The following DLGAP2 variants were observed in gnomAD, a reference collection of about 807,000 sequenced individuals.
The protein encoded by DLGAP2 is DLG associated protein 2, also known as disks large-associated protein 2.
A neutral mutation model predicts 100.3 loss-of-function variants in DLGAP2; 26 were observed. That is an observed-to-expected ratio of 0.26 (90% CI 0.19 to 0.36). DLGAP2 has a LOEUF of 0.36. DLGAP2 is among the 10% of genes least tolerant of loss of function. The pLI is 1.00. For missense variants in DLGAP2, 1,858 were observed against 1,453.2 expected (o/e 1.28, Z -4.53); for synonymous variants, 886 against 630.1 (o/e 1.41, Z -6.08).
chr8:1,697,798 T>G (rs1183971408), intron 14 of DLGAP2, among the ~76,000 whole-genome samples: 1 of 152,222 alleles, frequency 6.6e-6, no homozygotes, highest in African/African-American at 2.4e-5. Flanking sequence ...TTTGATGAAT[T>G]AATCTTCCTG....
chr8:950,830 T>C (rs954520782), intron 2 of DLGAP2, among the ~76,000 whole-genome samples: 3 of 151,996 alleles, frequency 2.0e-5, no homozygotes, highest in Non-Finnish European at 2.9e-5. Flanking sequence ...TTCACCATAT[T>C]GGCCAGGCTG....
chr8:1,597,625 T>C (rs978645359), intron 6 of DLGAP2, among the ~76,000 whole-genome samples: 1 of 152,146 alleles, frequency 6.6e-6, no homozygotes, highest in African/African-American at 2.4e-5. Flanking sequence ...ATTCTCTTTG[T>C]AGCAATTGTG....
Position 1,547,366 on chromosome 8 carries a change from G to A in DLGAP2, c.173-1260G>A, listed in dbSNP as rs150533993. 4.6e-5 allele frequency among the ~76,000 whole-genome samples: 7 copies of A among 152,278 alleles called. No individual in the cohort carries two copies. In the East Asian group the frequency reaches 1.4e-3, roughly 29 times the overall value. The stretch of plus-strand genomic sequence containing the variant: ...TCCCCTAAAAGTTGGTGGATGGGCT[G>A]GGGTGCATTTGAGGGGGTCAGCCCC... On this transcript the variant is annotated intron_variant, in intron 4 of 14. Coordinates refer to ENST00000637795, the MANE Select transcript of DLGAP2 (RefSeq NM_001346810.2).
At chr8:1,180,161 G>T (rs999698561) in intron 2 of DLGAP2, among the ~76,000 whole-genome samples, 2 of 152,170 alleles carry the variant, frequency 1.3e-5, no homozygotes, top group African/African-American at 4.8e-5. Context: ...CCAAACTGAG[G>T]ACGTAAATTA....
At chr8:1,555,643 G>A (rs1261220779) in intron 5 of DLGAP2, among the ~76,000 whole-genome samples, 2 of 152,182 alleles carry the variant, frequency 1.3e-5, no homozygotes, top group East Asian at 3.9e-4. Context: ...CTCCCCGGCT[G>A]GACTCCTCCA....
chr8:1,329,756 C>G (rs748208923), intron 3 of DLGAP2, among the ~76,000 whole-genome samples: 1 of 152,148 alleles, frequency 6.6e-6, no homozygotes, highest in Non-Finnish European at 1.5e-5. Context: ...GCATTAGCCC[C>G]GGCTGTACCT....
intron 3 of DLGAP2, among the ~76,000 whole-genome samples, chr8:1,445,991 G>C (rs567013422): frequency 6.8e-6 from 1 of 147,928 alleles, no homozygotes; most frequent in African/African-American, 2.5e-5. Context: ...CTGGATATTA[G>C]CCCTTTGTCA....
At chr8:1,673,720 C>G (rs1366068847) in intron 10 of DLGAP2, among the ~76,000 whole-genome samples, 1 of 152,148 alleles carries the variant, frequency 6.6e-6, no homozygotes, top group African/African-American at 2.4e-5. Flanking sequence ...CTCTTTGAAA[C>G]AAGGAAGCAA....
At chr8:862,654 A>G (rs1797415551) in intron 1 of DLGAP2, among the ~76,000 whole-genome samples, 1 of 152,104 alleles carries the variant, frequency 6.6e-6, no homozygotes, top group African/African-American at 2.4e-5. Flanking sequence ...TGACTCCACC[A>G]TAGCCTCAGT....
At chr8:1,563,977 A>AT (rs1240733248) in intron 5 of DLGAP2, among the ~76,000 whole-genome samples, 5 of 152,124 alleles carry the variant, frequency 3.3e-5, no homozygotes, top group Non-Finnish European at 5.9e-5. Flanking sequence ...AAATATGGAA[A>AT]TTTTTTATTT....
intron 3 of DLGAP2, among the ~76,000 whole-genome samples, chr8:1,346,526 C>T (rs1483956851): frequency 6.6e-6 from 1 of 151,768 alleles, no homozygotes; most frequent in African/African-American, 2.4e-5. Flanking sequence ...AGGTTGAGTT[C>T]CCATACAGAG....
intron 2 of DLGAP2, chr8:1,032,909 T>G (rs1419344172): frequency 6.6e-6 from 1 of 152,222 alleles, no homozygotes; most frequent in Non-Finnish European, 1.5e-5. Context: ...TGTATGACAA[T>G]TAAACTATTG....
chr8:851,625 C>CA (rs1797183962), intron 1 of DLGAP2, among the ~76,000 whole-genome samples: 1 of 152,156 alleles, frequency 6.6e-6, no homozygotes, highest in Non-Finnish European at 1.5e-5. Flanking sequence ...AGCCTCTGTT[C>CA]AAAAAACTTG....
chr8:1,253,538 G>C (rs975688733), intron 2 of DLGAP2, among the ~76,000 whole-genome samples: 1 of 152,232 alleles, frequency 6.6e-6, no homozygotes. Flanking sequence ...AGATGCTGCA[G>C]TTTCCTCTTT....
intron 1 of DLGAP2, among the ~76,000 whole-genome samples, chr8:772,400 G>T (rs556494029): frequency 6.6e-6 from 1 of 152,102 alleles, no homozygotes; most frequent in Admixed American, 6.5e-5. Flanking sequence ...TCTGCTCACT[G>T]CAAGCTCCGC....
At chr8:759,450 C>T (rs889334586) in intron 1 of DLGAP2, among the ~76,000 whole-genome samples, 5 of 150,132 alleles carry the variant, frequency 3.3e-5, no homozygotes, top group East Asian at 2.0e-4. Flanking sequence ...GGGGTTGGGA[C>T]GGGTATGCAC....
At chr8:1,231,842 A>C (rs1798542464) in intron 2 of DLGAP2, among the ~76,000 whole-genome samples, 1 of 152,144 alleles carries the variant, frequency 6.6e-6, no homozygotes, top group Non-Finnish European at 1.5e-5. Flanking sequence ...TTGGAAAACT[A>C]CTGGGTACTA....
intron 2 of DLGAP2, among the ~76,000 whole-genome samples, chr8:960,235 A>T (rs1035339577): frequency 0.014 from 119 of 8,266 alleles, 7 homozygotes; most frequent in African/African-American, 0.043. Flanking sequence ...CCTGAAGTAT[A>T]TCTTTTTTTT....
At chr8:1,301,676 G>C (rs1486379291) in intron 3 of DLGAP2, 4 of 152,250 alleles carry the variant, frequency 2.6e-5, no homozygotes, top group Non-Finnish European at 2.9e-5. Flanking sequence ...AAATAAACAA[G>C]TTGGAGATGA....
Sources: gnomAD v4.1 joint callset for allele counts (sites outside exome capture counted in the v4.1 genomes callset) on GRCh38, gnomAD v4.1.1 for gene constraint, MANE v1.5 for transcripts, NCBI Gene and HGNC (gene_info 2026-07-23, HGNC 2026-07-21) for gene names.